Variants in DDX60L observed in about 807,000 individuals in gnomAD.
The protein encoded by DDX60L is probable ATP-dependent RNA helicase DDX60-like.
In DDX60L, 191 loss-of-function variants were observed where a neutral mutation model predicts 211.6. That is an observed-to-expected ratio of 0.90 (90% CI 0.80 to 1.02). The LOEUF (loss-of-function observed/expected upper bound fraction) is 1.02. DDX60L is among the 50% of genes least tolerant of loss of function. DDX60L has a pLI of 0.00. For missense variants in DDX60L, 2,007 were observed against 1,984.1 expected, an observed-to-expected ratio of 1.01 and a Z score of -0.22; for synonymous variants, 706 against 694.1, an observed-to-expected ratio of 1.02 and a Z score of -0.27.
chr4:168,471,537 T>C (rs1758771576), intron 4 of DDX60L: 1 of 400,166 alleles, frequency 2.5e-6, no homozygotes, highest in Non-Finnish European at 4.3e-6. Context: ...TGTGGGAACA[T>C]AGAGTTGAGG....
At chr4:168,447,810 T>C (rs1755049900) in intron 9 of DDX60L, among the ~76,000 whole-genome samples, 1 of 140,886 alleles carries the variant, frequency 7.1e-6, no homozygotes, top group Non-Finnish European at 1.5e-5. Flanking sequence ...TTCTCACTCA[T>C]AGGTGGGAAT....
chr4:168,459,758 G>GGGAAGGAAGGAGGGAGGGAAGGAA (rs1561119580), intron 5 of DDX60L, among the ~76,000 whole-genome samples: 1 of 42,756 alleles, frequency 2.3e-5, no homozygotes, highest in Non-Finnish European at 4.7e-5. Context: ...ACCAAAGGGA[G>GGGAAGGAAGGAGGGAGGGAAGGAA]GGAAGGAAGG....
chr4:168,440,611 C>T (rs576050602), intron 10 of DDX60L, among the ~76,000 whole-genome samples: 2 of 152,138 alleles, frequency 1.3e-5, no homozygotes, highest in African/African-American at 2.4e-5. Flanking sequence ...CTCTTCCCTT[C>T]CCCCAGCTAA....
chr4:168,371,879 G>T, intron 35 of DDX60L, 116 bp from the exon 36 acceptor site: 1 of 1,020,378 alleles, frequency 9.8e-7, no homozygotes, highest in Non-Finnish European at 1.4e-6. Flanking sequence ...AGAAGTTGAA[G>T]TGAAGGAGGC....
chr4:168,435,801 C>T (rs146943678), intron 10 of DDX60L, among the ~76,000 whole-genome samples: 1 of 152,204 alleles, frequency 6.6e-6, no homozygotes, highest in African/African-American at 2.4e-5. Context: ...GTTCATATTA[C>T]GCTGCTCGGA....
chr4:168,378,162 A>ATTGT (rs1468783279), intron 33 of DDX60L, among the ~76,000 whole-genome samples, 192 bp downstream of exon 33: 1 of 152,246 alleles, frequency 6.6e-6, no homozygotes, highest in Admixed American at 6.5e-5. Context: ...AGGGATAAGA[A>ATTGT]TTGTTTGTTA....
Position 168,420,250 on chromosome 4 carries a change from A to AT in DDX60L, c.2514+10dup. The AT allele has an allele frequency of 6.4e-7, 1 of 1,557,524 alleles. No homozygotes were observed. The highest frequency in any genetic ancestry group is 8.7e-7 in the Non-Finnish European group (1 of 1,155,068). ...AATTTGATAATAAACTCATTAATTA[A>AT]TATGTCATACCTGACAGTTTAGTAC... is the stretch of plus-strand genomic sequence containing the variant. On this transcript the variant is annotated intron_variant, in intron 18 of 37. Coordinates refer to ENST00000682922, the MANE Select transcript of DDX60L (RefSeq NM_001012967.3).
chr4:168,420,599 AACACACACACACAT>A (rs1174529972), intron 17 of DDX60L, among the ~76,000 whole-genome samples: 1 of 116,618 alleles, frequency 8.6e-6, no homozygotes, highest in African/African-American at 3.6e-5. Flanking sequence ...CTTGATTTTA[AACACACACACACAT>A]ACACACACAC....
In DDX60L at chr4:168,358,046, C is replaced by T. The variant is rs974560437; in HGVS notation, c.*101G>A. ...ATCTGAGTTTAATTCTGTTTGACTC[C>T]AAGACAAACATTTTTTCCATTTCAT... is the stretch of plus-strand genomic sequence containing the variant. On this transcript the variant is annotated 3_prime_UTR_variant, in exon 38 of 38. Transcript: ENST00000682922. 6.3e-6 allele frequency: 7 copies of T among 1,104,624 alleles called. No homozygotes were observed. Among genetic ancestry groups the T allele is most frequent in the Non-Finnish European group, 9.2e-6 (7 of 762,282 alleles). 68.4% of individuals were successfully genotyped at this position (1,104,624 alleles called of 1,614,324 possible).
rs756236304 is a variant in DDX60L, at chr4:168,472,694, A to G, written c.4+2T>C. On this transcript the variant is annotated splice_donor_variant, in intron 2 of 37. Transcript: ENST00000682922. LOFTEE classifies it high-confidence loss of function. ...CTACAAATATCAAAGATTGAGAATT[A>G]CCCATCGTTGCTGCTTCTTGGGCTA... 5 of 1,613,438 alleles carry G rather than the reference A, an allele frequency of 3.1e-6. No homozygotes were observed. In the Admixed American group the frequency reaches 5.0e-5, roughly 16 times the overall value.
At chr4:168,405,925 T>C (rs1747672136) in intron 24 of DDX60L, 25 bp downstream of exon 24, 1 of 1,535,728 alleles carries the variant, frequency 6.5e-7, no homozygotes, top group Non-Finnish European at 8.7e-7. Context: ...AAGTGAAACT[T>C]TGTCCAAGAA....
Position 168,456,142 on chromosome 4 carries a change from G to A in DDX60L, c.734C>T (p.Thr245Ile), listed in dbSNP as rs750178148. 1.3e-6 allele frequency: 2 copies of A among 1,568,520 alleles called. No homozygotes were observed. Among genetic ancestry groups the A allele is most frequent in the Admixed American group, 4.0e-5 (2 of 50,466 alleles). Residue 245 changes from threonine to isoleucine, a missense_variant, in exon 7 of 38, where the codon ACT (threonine) becomes ATT (isoleucine). By Grantham distance (89) the Thr-to-Ile change is moderately conservative. Coordinates refer to ENST00000682922, the MANE Select transcript of DDX60L (RefSeq NM_001012967.3). The part of the protein sequence containing the change: ...WNDMMEEAYQ[T>I]LFLLQHLWSE... Reference sequence around the variant, plus strand: ...CCATAGGTGCTGAAGCAGAAATAGAGTCTGATACGCCTATCAAAAAAGAAA... The same window carrying A: ...CCATAGGTGCTGAAGCAGAAATAGAATCTGATACGCCTATCAAAAAAGAAA...
intron 22 of DDX60L, 91 bp downstream of exon 22, chr4:168,415,317 C>T (rs1483408513): frequency 1.8e-6 from 1 of 542,146 alleles, no homozygotes; most frequent in African/African-American, 2.0e-5. Context: ...ATTATCTATA[C>T]ATGCTGCAGT....
chr4:168,390,254 GA>G (rs1239130165), intron 29 of DDX60L: 1 of 1,073,144 alleles, frequency 9.3e-7, no homozygotes, highest in African/African-American at 1.6e-5. Context: ...GAGAAAAAAG[GA>G]GACCATAATT....
At chr4:168,393,085 T>C (rs989498666) in intron 28 of DDX60L, among the ~76,000 whole-genome samples, 6 of 152,292 alleles carry the variant, frequency 3.9e-5, no homozygotes, top group East Asian at 1.9e-4. Flanking sequence ...TCCTTTAAAA[T>C]GACAAATAAA....
Position 168,455,618 on chromosome 4 carries a change from G to T in DDX60L, c.837+421C>A, listed in dbSNP as rs548092308. 7.9e-5 allele frequency among the ~76,000 whole-genome samples: 12 copies of T among 152,196 alleles called. No homozygotes were observed. In the South Asian group the frequency reaches 1.2e-3, roughly 16 times the overall value. On this transcript the variant is annotated intron_variant, in intron 7 of 37. Coordinates refer to ENST00000682922, the MANE Select transcript of DDX60L (RefSeq NM_001012967.3). ...GTGATAATTGCTATACTGAAAAGTT[G>T]TAAGATTACATGGTGTCAGGTAACA...
intron 16 of DDX60L, 61 bp from the exon 17 acceptor site, chr4:168,421,970 A>G (rs1750710244): frequency 6.2e-7 from 1 of 1,605,204 alleles, no homozygotes; most frequent in Admixed American, 1.7e-5. Context: ...CAAAACACAG[A>G]CAGTATCCTT....
intron 8 of DDX60L, among the ~76,000 whole-genome samples, chr4:168,450,616 T>C (rs1413581864): frequency 6.6e-6 from 1 of 152,210 alleles, no homozygotes; most frequent in African/African-American, 2.4e-5. Flanking sequence ...AAAACAGCTC[T>C]TAATAATAAT....
chr4:168,408,764 C>T (rs1180546179), intron 22 of DDX60L, among the ~76,000 whole-genome samples: 3 of 152,182 alleles, frequency 2.0e-5, no homozygotes, highest in East Asian at 1.9e-4. Context: ...TCTTTTACGG[C>T]AGCATAATTT....
Sources: allele counts gnomAD v4.1 joint callset (sites outside exome capture counted in the v4.1 genomes callset), GRCh38; gene constraint gnomAD v4.1.1; transcripts MANE v1.5; gene names NCBI Gene and HGNC (gene_info 2026-07-23, HGNC 2026-07-21).